PHOX2B: variants seen among roughly 807,000 people sequenced by gnomAD.
The protein encoded by PHOX2B is paired mesoderm homeobox protein 2B.
PHOX2B carries 1 observed loss-of-function variant against 15.5 expected under a neutral mutation model. That is an observed-to-expected ratio of 0.06 (90% confidence interval 0.02 to 0.31). The LOEUF (loss-of-function observed/expected upper bound fraction) is 0.31. Among genes scored for constraint, PHOX2B ranks in the 10% least tolerant of loss-of-function variants. The pLI, the probability that PHOX2B is intolerant of heterozygous loss-of-function variation, is 1.00. For missense variants in PHOX2B, 314 were observed against 436.4 expected, an observed-to-expected ratio of 0.72 and a Z score of 2.50; for synonymous variants, 206 against 190.5, an observed-to-expected ratio of 1.08 and a Z score of -0.67.
chr4:41,747,237 C>T, intron 2 of PHOX2B, 112 bp downstream of exon 2: 1 of 853,218 alleles, frequency 1.2e-6, no homozygotes, highest in East Asian at 2.5e-5. Flanking sequence ...CCATGGGGCC[C>T]TAGGTCCTTC....
At position 41,745,609 on chromosome 4, in the gene PHOX2B, G is replaced by A. The variant is rs1038094061; in HGVS notation, c.*198C>T. ...TTGTTTGTTTTGTTTGGGGGTTGAGGAAGGGGGTAGGAGTGGGGTTGAAAT... is the reference window on the plus strand; with the variant it reads ...TTGTTTGTTTTGTTTGGGGGTTGAGAAAGGGGGTAGGAGTGGGGTTGAAAT... On this transcript the variant is annotated 3_prime_UTR_variant, in exon 3 of 3. Coordinates refer to ENST00000226382, the MANE Select transcript of PHOX2B (RefSeq NM_003924.4). This position sits in a 1 kb window ranked among gnomAD's most constrained non-coding sequence, Gnocchi z 4.0. 5.0e-6 allele frequency: 3 copies of A among 605,270 alleles called. No homozygotes were observed. The highest frequency in any genetic ancestry group is 3.4e-5 in the East Asian group (1 of 29,232). 37.5% of individuals were successfully genotyped at this position (605,270 alleles called of 1,614,324 possible).
At chr4:41,746,679 A>G (rs1733911118) in intron 2 of PHOX2B, among the ~76,000 whole-genome samples, 1 of 151,888 alleles carries the variant, frequency 6.6e-6, no homozygotes, top group Non-Finnish European at 1.5e-5. Flanking sequence ...CCCTAAGCCT[A>G]AGTTCTAAAG....
At chr4:41,747,258 C>T (rs1733934689) in intron 2 of PHOX2B, 91 bp downstream of exon 2, 7 of 1,061,116 alleles carry the variant, frequency 6.6e-6, no homozygotes, top group Middle Eastern at 2.9e-4. Context: ...TCACTCGAGG[C>T]TCCAGGACTT....
Position 41,744,869 on chromosome 4 carries a change from GAC to G in PHOX2B, c.*936_*937del, listed in dbSNP as rs1733832639. ...GGAAAAAAAGAGTTGCGAAACATGA[GAC>G]ACATTTTGCAGAGTTTGCAGATGAA... On this transcript the variant is annotated 3_prime_UTR_variant, in exon 3 of 3. Coordinates refer to ENST00000226382, the MANE Select transcript of PHOX2B (RefSeq NM_003924.4). 1 of 233,564 alleles carries G rather than the reference GAC, an allele frequency of 4.3e-6. No individual in the cohort carries two copies. The highest frequency in any genetic ancestry group is 8.5e-6 in the Non-Finnish European group (1 of 118,076). The allele number at this position is 233,564 out of a possible 1,614,324, so 14.5% of individuals were successfully genotyped here. A position where few individuals can be genotyped will look rare whatever the true frequency, so the allele number is the denominator to read the frequency against.
At chr4:41,747,597 AG>A (rs1733952618) in intron 1 of PHOX2B, 61 bp from the exon 2 acceptor site, 1 of 1,439,526 alleles carries the variant, frequency 6.9e-7, no homozygotes, top group African/African-American at 1.4e-5. Context: ...CCGGCCGTGG[AG>A]CTAGAATGTG....
chr4:41,748,309 A>T, intron 1 of PHOX2B, 61 bp downstream of exon 1: 1 of 1,589,308 alleles, frequency 6.3e-7, no homozygotes, highest in South Asian at 1.1e-5. Context: ...AATGCAATCA[A>T]GGCTTCCTAT....
intron 1 of PHOX2B, 35 bp downstream of exon 1, chr4:41,748,335 C>T: frequency 3.7e-6 from 6 of 1,612,226 alleles, no homozygotes; most frequent in Admixed American, 1.7e-5. Flanking sequence ...GGCGGAAAGG[C>T]GGCTTCCTCC....
chr4:41,748,590 A>C lies in PHOX2B; in HGVS notation c.21T>G (p.Ser7=). The C allele has an allele frequency of 6.2e-7, 1 of 1,613,286 alleles. No individual in the cohort carries two copies. Among genetic ancestry groups the C allele is most frequent in the Non-Finnish European group, 8.5e-7 (1 of 1,179,190 alleles). The change falls in exon 1 of 3, where the codon TCT becomes TCG. Residue 7 remains serine (S), a synonymous_variant. Coordinates refer to ENST00000226382, the MANE Select transcript of PHOX2B (RefSeq NM_003924.4). ...ACTCGTAGGCAGAGGAATTGAGGTA[A>C]GAATATTCCATTTTATACATTGAAA... is the stretch of plus-strand genomic sequence containing the variant. MYKMEY[S]YLNSSAYESC... is the part of the protein sequence containing the mutation.
chr4:41,745,991 GCC>G lies in PHOX2B; in HGVS notation c.759_760del (p.Ala254SerfsTer105). 8.3e-7 allele frequency: 1 copy of G among 1,210,214 alleles called. No individual in the cohort carries two copies. The highest frequency in any genetic ancestry group is 1.0e-6 in the Non-Finnish European group (1 of 975,376). The allele number at this position is 1,210,214 out of a possible 1,614,324, so 75.0% of individuals were successfully genotyped here. On this transcript the variant is annotated frameshift_variant, in exon 3 of 3. Coordinates refer to ENST00000226382, the MANE Select transcript of PHOX2B (RefSeq NM_003924.4). LOFTEE classifies it high-confidence loss of function. The surrounding 1 kb of genome is among the most constrained non-coding windows in gnomAD (Gnocchi z 4.0). ...GCCTCCAGCTGCCGCCGCTGCCGCT[GCC>G]GCCGCCGCCGCTGCCGCGGCCGCCG... is the stretch of plus-strand genomic sequence containing the variant.
chr4:41,747,590 G>T, intron 1 of PHOX2B, 54 bp from the exon 2 acceptor site: 1 of 1,484,556 alleles, frequency 6.7e-7, no homozygotes, highest in Non-Finnish European at 9.3e-7. Flanking sequence ...CAGCTCGCCG[G>T]CCGTGGAGCT....
Position 41,745,159 on chromosome 4 carries a change from A to G in PHOX2B, c.*648T>C. On this transcript the variant is annotated 3_prime_UTR_variant, in exon 3 of 3. Transcript: ENST00000226382. This position sits in a 1 kb window ranked among gnomAD's most constrained non-coding sequence, Gnocchi z 4.0. ...CTCTTCCCTGAAGAAGAGCCCCAAG[A>G]GAATCCGTGCTGTTAGGAGGGAGCG... 1 of 233,158 alleles carries G rather than the reference A, an allele frequency of 4.3e-6. No individual in the cohort carries two copies. Among genetic ancestry groups the G allele is most frequent in the Non-Finnish European group, 8.5e-6 (1 of 118,034 alleles). The allele number at this position is 233,158 out of a possible 1,614,324, so 14.4% of individuals were successfully genotyped here. A position where few individuals can be genotyped will look rare whatever the true frequency, so the allele number is the denominator to read the frequency against.
At chr4:41,747,586 GC>G (rs1560466375) in intron 1 of PHOX2B, 50 bp from the exon 2 acceptor site, 3 of 1,501,532 alleles carry the variant, frequency 2.0e-6, no homozygotes, top group Non-Finnish European at 2.8e-6. Flanking sequence ...CCGGCAGCTC[GC>G]CGGCCGTGGA....
Position 41,745,572 on chromosome 4 carries a change from AG to A in PHOX2B, c.*234del, listed in dbSNP as rs1441704441. ...GCTGCGAGGCCCCAGGCAGGTGCGA[AG>A]CCAGGGAAGTTTGTTTGTTTTGTTT... On this transcript the variant is annotated 3_prime_UTR_variant, in exon 3 of 3. Coordinates refer to ENST00000226382, the MANE Select transcript of PHOX2B (RefSeq NM_003924.4). This position sits in a 1 kb window ranked among gnomAD's most constrained non-coding sequence, Gnocchi z 4.0. 1 of 500,052 alleles carries A rather than the reference AG, an allele frequency of 2.0e-6. No individual in the cohort carries two copies. Among genetic ancestry groups the A allele is most frequent in the Non-Finnish European group, 3.5e-6 (1 of 288,760 alleles). 31.0% of individuals were successfully genotyped at this position (500,052 alleles called of 1,614,324 possible). A position where few individuals can be genotyped will look rare whatever the true frequency, so the allele number is the denominator to read the frequency against.
intron 1 of PHOX2B, 119 bp from the exon 2 acceptor site, chr4:41,747,655 C>T (rs771996434): frequency 1.2e-6 from 1 of 815,626 alleles, no homozygotes; most frequent in Non-Finnish European, 2.1e-6. Flanking sequence ...TACACCCGCG[C>T]GAGAGAGTTG....
In PHOX2B at chr4:41,746,002, CGCTGCCGCGGCCGCCGCCGCT is replaced by C. The variant is rs772448418; in HGVS notation, c.729_749del (p.Ala254_Ala260del). The C allele has an allele frequency of 6.9e-5, 80 of 1,161,834 alleles. 3 individuals carry two copies. The South Asian group carries it at 2.7e-3, about 40-fold the overall frequency. The allele number at this position is 1,161,834 out of a possible 1,614,324, so 72.0% of individuals were successfully genotyped here. On this transcript the variant is annotated inframe_deletion, in exon 3 of 3. Coordinates refer to ENST00000226382, the MANE Select transcript of PHOX2B (RefSeq NM_003924.4). ...CCGCCGCTGCCGCTGCCGCCGCCGC[CGCTGCCGCGGCCGCCGCCGCT>C]GCTGCTGCGCCGCCCTTGCCGGGTT... is the stretch of plus-strand genomic sequence containing the variant.
chr4:41,745,988 G>T lies in PHOX2B; in HGVS notation c.764C>A (p.Ala255Glu). ...AAAAAAAAAA[A>E]AAAAAGGLAA... Reference sequence around the variant, plus strand: ...CAGGCCTCCAGCTGCCGCCGCTGCCGCTGCCGCCGCCGCCGCTGCCGCGGC... The same window carrying T: ...CAGGCCTCCAGCTGCCGCCGCTGCCTCTGCCGCCGCCGCCGCTGCCGCGGC... Residue 255 changes from alanine (A) to glutamate (E), a missense_variant, in exon 3 of 3, where the codon GCG (alanine) becomes GAG (glutamate). Physicochemically the swap from Ala to Glu is moderately radical, Grantham distance 107. This residue lies in a region of PHOX2B where 157 missense variants were observed against 169.0 expected (regional missense o/e 0.93). Coordinates refer to ENST00000226382, the MANE Select transcript of PHOX2B (RefSeq NM_003924.4). This position sits in a 1 kb window ranked among gnomAD's most constrained non-coding sequence, Gnocchi z 4.0. 1 of 1,244,076 alleles carries T rather than the reference G, an allele frequency of 8.0e-7. No individual in the cohort carries two copies. The allele number at this position is 1,244,076 out of a possible 1,614,324, so 77.1% of individuals were successfully genotyped here. A position where few individuals can be genotyped will look rare whatever the true frequency, so the allele number is the denominator to read the frequency against.
chr4:41,747,564 T>C (rs1733951018), intron 1 of PHOX2B, 28 bp from the exon 2 acceptor site: 1 of 1,589,078 alleles, frequency 6.3e-7, no homozygotes, highest in Admixed American at 1.7e-5. Flanking sequence ...AGACAGAAAG[T>C]GAGCAAATCA....
chr4:41,746,661 C>T (rs1330105923), intron 2 of PHOX2B, among the ~76,000 whole-genome samples: 1 of 152,196 alleles, frequency 6.6e-6, no homozygotes, highest in African/African-American at 2.4e-5. Flanking sequence ...CCCGAGCTCG[C>T]CATTCACCCC....
chr4:41,747,591 C>T (rs918769681), intron 1 of PHOX2B, 55 bp from the exon 2 acceptor site: 39 of 1,483,004 alleles, frequency 2.6e-5, no homozygotes, highest in Non-Finnish European at 3.4e-5. Context: ...AGCTCGCCGG[C>T]CGTGGAGCTA....
Sources: gnomAD v4.1 joint callset for allele counts (sites outside exome capture counted in the v4.1 genomes callset) on GRCh38, gnomAD v4.1.1 for gene constraint, gnomAD v4.1.1 regional missense constraint, Gnocchi (gnomAD v3.1) non-coding constraint, MANE v1.5 for transcripts, NCBI Gene and HGNC (gene_info 2026-07-23, HGNC 2026-07-21) for gene names.